Variants in VWC2L observed in about 807,000 individuals in gnomAD.
VWC2L encodes von Willebrand factor C domain-containing protein 2-like.
VWC2L carries 10 observed loss-of-function variants against 21.6 expected under a neutral mutation model. That is an observed-to-expected ratio of 0.46 (90% CI 0.29 to 0.78). VWC2L has a LOEUF of 0.78. Among genes scored for constraint, VWC2L ranks in the 30% least tolerant of loss-of-function variants. VWC2L has a pLI of 0.10. For missense variants in VWC2L, 209 were observed against 277.1 expected (o/e 0.75, Z 1.74); for synonymous variants, 96 against 94.3 (o/e 1.02, Z -0.10).
At chr2:214,428,381 A>C (rs1169389049) in intron 2 of VWC2L, among the ~76,000 whole-genome samples, 1 of 152,200 alleles carries the variant, frequency 6.6e-6, no homozygotes, top group Non-Finnish European at 1.5e-5. Flanking sequence ...TGCTTATTTC[A>C]CATTATCATA....
intron 3 of VWC2L, among the ~76,000 whole-genome samples, chr2:214,568,696 G>A (rs1331497245): frequency 6.6e-6 from 1 of 152,180 alleles, no homozygotes; most frequent in Non-Finnish European, 1.5e-5. Flanking sequence ...TACCTCCCAT[G>A]TGGTCCCTTT....
intron 3 of VWC2L, among the ~76,000 whole-genome samples, chr2:214,439,964 T>G (rs1423900469): frequency 1.3e-5 from 2 of 151,926 alleles, no homozygotes; most frequent in African/African-American, 4.8e-5. Context: ...GTACCATGTC[T>G]TTATTCTTGA....
chr2:214,529,976 A>T (rs1335794723), intron 3 of VWC2L, among the ~76,000 whole-genome samples: 1 of 152,206 alleles, frequency 6.6e-6, no homozygotes, highest in African/African-American at 2.4e-5. Flanking sequence ...TTAAGTTTAA[A>T]AACAAAAACT....
intron 1 of VWC2L, among the ~76,000 whole-genome samples, chr2:214,413,861 A>G (rs919951845): frequency 3.3e-5 from 5 of 152,184 alleles, no homozygotes; most frequent in East Asian, 1.9e-4. Flanking sequence ...AGCCAGACCT[A>G]TGAAATTCAG....
At chr2:214,497,338 T>C (rs570199508) in intron 3 of VWC2L, among the ~76,000 whole-genome samples, 42 of 152,314 alleles carry the variant, frequency 2.8e-4, no homozygotes, top group African/African-American at 1.0e-3. Context: ...TCAATTTTGT[T>C]ATGCCAGTTT....
intron 3 of VWC2L, among the ~76,000 whole-genome samples, chr2:214,439,508 AACATTTTCT>A (rs1702731877): frequency 6.6e-6 from 1 of 152,008 alleles, no homozygotes; most frequent in Admixed American, 6.6e-5. Context: ...AAACAGTCAT[AACATTTTCT>A]ACATTTTCTT....
At chr2:214,474,846 T>C (rs1688485461) in intron 3 of VWC2L, among the ~76,000 whole-genome samples, 2 of 152,142 alleles carry the variant, frequency 1.3e-5, no homozygotes, top group South Asian at 4.1e-4. Context: ...ATTGTGTCTA[T>C]TATCAGGGAA....
intron 3 of VWC2L, among the ~76,000 whole-genome samples, chr2:214,550,648 C>G (rs759338774): frequency 2.0e-5 from 3 of 152,128 alleles, no homozygotes; most frequent in Non-Finnish European, 4.4e-5. Flanking sequence ...GTCATTAAAT[C>G]CTACAATGTA....
At chr2:214,419,966 G>A (rs1452143988) in intron 2 of VWC2L, among the ~76,000 whole-genome samples, 1 of 152,132 alleles carries the variant, frequency 6.6e-6, no homozygotes, top group Non-Finnish European at 1.5e-5. Flanking sequence ...GGCTGAGGCA[G>A]GAGAATCGCT....
chr2:214,522,755 G>T (rs541256705), intron 3 of VWC2L, among the ~76,000 whole-genome samples: 50 of 152,090 alleles, frequency 3.3e-4, no homozygotes, highest in African/African-American at 1.2e-3. Context: ...ATACATATTT[G>T]CAATAGATGA....
Position 214,416,169 on chromosome 2 carries a change from A to G in VWC2L, c.390+1586A>G, listed in dbSNP as rs371946622. The stretch of plus-strand genomic sequence containing the variant: ...AAAAACATAAGTTTCTGAGATTTAT[A>G]TAATTTGGTAATCTGTATTTAATAA... On this transcript the variant is annotated intron_variant, in intron 2 of 3. Coordinates refer to ENST00000312504, the MANE Select transcript of VWC2L (RefSeq NM_001080500.4). Among the ~76,000 whole-genome samples, 18 of 152,200 alleles carry G rather than the reference A, an allele frequency of 1.2e-4. No individual in the cohort carries two copies. The East Asian group carries it at 2.3e-3, about 20-fold the overall frequency.
Position 214,500,051 on chromosome 2 carries a change from G to A in VWC2L, c.520+63293G>A, listed in dbSNP as rs150696292. On this transcript the variant is annotated intron_variant, in intron 3 of 3. Coordinates refer to ENST00000312504, the MANE Select transcript of VWC2L (RefSeq NM_001080500.4). ...GTATGTGACTTTTGAATATTCATGA[G>A]AGAATTGCATCAGGCAAAGGTAAGA... Among the ~76,000 whole-genome samples, 70 of 152,244 alleles carry A rather than the reference G, an allele frequency of 4.6e-4. 1 individual carries two copies. Among genetic ancestry groups the A allele is most frequent in the Middle Eastern group, 6.8e-3 (2 of 294 alleles).
intron 3 of VWC2L, among the ~76,000 whole-genome samples, chr2:214,504,047 A>T (rs1688933331): frequency 2.0e-5 from 3 of 152,234 alleles, no homozygotes; most frequent in Non-Finnish European, 4.4e-5. Flanking sequence ...AAAACAGCTG[A>T]GAGTCCAGTA....
chr2:214,416,211 CTT>C (rs1702352369), intron 2 of VWC2L, among the ~76,000 whole-genome samples: 2 of 152,016 alleles, frequency 1.3e-5, no homozygotes, highest in Admixed American at 6.6e-5. Flanking sequence ...TATTGTCTAA[CTT>C]AACTCACTAT....
chr2:214,470,709 G>C (rs1703292243), intron 3 of VWC2L, among the ~76,000 whole-genome samples: 1 of 151,748 alleles, frequency 6.6e-6, no homozygotes, highest in Non-Finnish European at 1.5e-5. Context: ...AGGAGTCCGA[G>C]ACCTGCCTGG....
rs188945995 is a variant in VWC2L, at chr2:214,422,718, C to T, written c.390+8135C>T. 2.6e-3 allele frequency among the ~76,000 whole-genome samples: 403 copies of T among 152,262 alleles called. 2 individuals carry two copies. The highest frequency in any genetic ancestry group is 9.2e-3 in the African/African-American group (383 of 41,548). The stretch of plus-strand genomic sequence containing the variant: ...CATTGTTGATTTCCTTGCCTCTAGC[C>T]TGCTGTAGAGTATATCACAATAAAC... On this transcript the variant is annotated intron_variant, in intron 2 of 3. Transcript: ENST00000312504.
At chr2:214,489,091 A>C (rs1381066041) in intron 3 of VWC2L, among the ~76,000 whole-genome samples, 1 of 152,210 alleles carries the variant, frequency 6.6e-6, no homozygotes, top group Non-Finnish European at 1.5e-5. Flanking sequence ...TGGCTACTTC[A>C]TCACCTGCTA....
chr2:214,465,162 TC>T (rs1341098602), intron 3 of VWC2L, among the ~76,000 whole-genome samples: 1 of 152,048 alleles, frequency 6.6e-6, no homozygotes. Context: ...CCTGACAAAG[TC>T]CCCTTTACTC....
At chr2:214,465,023 C>T (rs1703195320) in intron 3 of VWC2L, among the ~76,000 whole-genome samples, 1 of 152,108 alleles carries the variant, frequency 6.6e-6, no homozygotes, top group Non-Finnish European at 1.5e-5. Flanking sequence ...TAGGTCTCTC[C>T]TTTCAAGGCA....
Sources: allele counts gnomAD v4.1 joint callset (sites outside exome capture counted in the v4.1 genomes callset), GRCh38; gene constraint gnomAD v4.1.1; transcripts MANE v1.5; gene names NCBI Gene and HGNC (gene_info 2026-07-23, HGNC 2026-07-21).